The following KIAA1549L variants were observed in gnomAD, a reference collection of about 807,000 sequenced individuals.
KIAA1549L encodes the protein KIAA1549 like.
Under a neutral mutation model 160.7 loss-of-function variants are expected in KIAA1549L, and 88 were observed. The ratio of observed to expected loss-of-function variants is 0.55; its 90% CI spans 0.46 to 0.65. The LOEUF (loss-of-function observed/expected upper bound fraction) is 0.65. Ranked by LOEUF, KIAA1549L falls within the 30% of genes least tolerant of loss-of-function variation. KIAA1549L has a pLI of 0.00. For synonymous variants in KIAA1549L, 950 were observed against 976.7 expected (o/e 0.97, Z 0.51); for missense variants, 2,258 against 2,437.5 (o/e 0.93, Z 1.55).
intron 1 of KIAA1549L, among the ~76,000 whole-genome samples, chr11:33,505,441 T>C (rs1853059131): frequency 6.6e-6 from 1 of 152,218 alleles, no homozygotes; most frequent in Non-Finnish European, 1.5e-5. Flanking sequence ...AGACAACGTT[T>C]CTCTTCTATC....
intron 1 of KIAA1549L, among the ~76,000 whole-genome samples, chr11:33,503,183 A>G (rs998199618): frequency 6.6e-6 from 1 of 152,208 alleles, no homozygotes; most frequent in Non-Finnish European, 1.5e-5. Flanking sequence ...AAATGGAATT[A>G]TAGAGTATGT....
In KIAA1549L at chr11:33,658,767, G is replaced by A. The variant is rs564930218; in HGVS notation, c.5876G>A (p.Gly1959Asp). The A allele has an allele frequency of 3.2e-6, 5 of 1,573,314 alleles. No individual in the cohort carries two copies. The highest frequency in any genetic ancestry group is 1.2e-5 in the South Asian group (1 of 85,052). ...ASLRRSTSDI[G>D]SKTRMAESTG... ...CCATCTAGATCCACCTCAGACATCG[G>A]CAGCAAGACCAGAATGGCCGAGTCT... The change falls in exon 19 of 21, where the codon GGC (glycine) becomes GAC (aspartate). Residue 1959 changes from glycine to aspartate, a missense_variant. By Grantham distance (94) the Gly-to-Asp change is moderately conservative (BLOSUM62 -1). Coordinates refer to ENST00000658780, the MANE Select transcript of KIAA1549L (RefSeq NM_012194.3).
At chr11:33,504,103 A>G (rs1853020023) in intron 1 of KIAA1549L, among the ~76,000 whole-genome samples, 1 of 152,126 alleles carries the variant, frequency 6.6e-6, no homozygotes, top group African/African-American at 2.4e-5. Flanking sequence ...TCTACTAAAA[A>G]TACAAAAGTT....
In KIAA1549L at chr11:33,545,022, A is replaced by T. The variant is rs774355745; in HGVS notation, c.3029A>T (p.Tyr1010Phe). The T allele has an allele frequency of 6.2e-7, 1 of 1,613,982 alleles. No individual in the cohort carries two copies. Among genetic ancestry groups the T allele is most frequent in the Non-Finnish European group, 8.5e-7 (1 of 1,179,888 alleles). ...ACAGCCTTCCCATTCACACCAACCT[A>T]CATGTATGCAAGAACAGGACATACC... ...VHTAFPFTPT[Y>F]MYARTGHTTS... Residue 1010 changes from tyrosine (Y) to phenylalanine (F), a missense_variant, in exon 3 of 21, where the codon TAC (tyrosine) becomes TTC (phenylalanine). Coordinates refer to ENST00000658780, the MANE Select transcript of KIAA1549L (RefSeq NM_012194.3).
chr11:33,556,850 A>T (rs1854665328), intron 6 of KIAA1549L, among the ~76,000 whole-genome samples: 1 of 152,230 alleles, frequency 6.6e-6, no homozygotes, highest in Non-Finnish European at 1.5e-5. Context: ...CGATACACTT[A>T]AAATGGTTAA....
rs1372908388 is a variant in KIAA1549L, at chr11:33,474,134, A to T, written c.239-67668A>T. Reference sequence around the variant, plus strand: ...ATTCACTCATTACCATATGGAGGGCACCAAGCCATTCATGAGTGATCCTCT... The same window carrying T: ...ATTCACTCATTACCATATGGAGGGCTCCAAGCCATTCATGAGTGATCCTCT... On this transcript the variant is annotated intron_variant, in intron 1 of 20. Transcript: ENST00000658780. Among the ~76,000 whole-genome samples the T allele has an allele frequency of 9.9e-5, 15 of 152,208 alleles. 1 individual carries two copies. The highest frequency in any genetic ancestry group is 9.8e-4 in the Admixed American group (15 of 15,274).
chr11:33,441,994 C>T (rs925153858), intron 1 of KIAA1549L, among the ~76,000 whole-genome samples: 1 of 151,954 alleles, frequency 6.6e-6, no homozygotes, highest in African/African-American at 2.4e-5. Flanking sequence ...AAGTCCTTGC[C>T]CATGCCTATG....
In KIAA1549L at chr11:33,609,828, A is replaced by G. The variant is rs939946855; in HGVS notation, c.5141A>G (p.Tyr1714Cys). The change falls in exon 15 of 21, where the codon TAT becomes TGT. Residue 1714 changes from tyrosine to cysteine, a missense_variant. Tyr to Cys is a radical substitution (Grantham distance 194). This residue lies in a region of KIAA1549L where 1,359 missense variants were observed against 1,546.6 expected (regional missense o/e 0.88). Transcript: ENST00000658780. ...CGCCTCAAAGCCAAGAGGAAGGGAT[A>G]TTACGACTTCCCTGCAGTGGAGACG... is the stretch of plus-strand genomic sequence containing the variant. ...KLRLKAKRKG[Y>C]YDFPAVETSK... The G allele has an allele frequency of 3.7e-6, 6 of 1,613,968 alleles. No individual in the cohort carries two copies. Among genetic ancestry groups the G allele is most frequent in the Non-Finnish European group, 5.1e-6 (6 of 1,179,858 alleles).
intron 16 of KIAA1549L, among the ~76,000 whole-genome samples, chr11:33,640,821 A>G (rs1173931371): frequency 6.6e-6 from 1 of 152,224 alleles, no homozygotes; most frequent in African/African-American, 2.4e-5. Flanking sequence ...TTAATTTATA[A>G]AAACAGCTTT....
chr11:33,594,203 A>G (rs553846926), intron 12 of KIAA1549L, among the ~76,000 whole-genome samples: 5 of 152,342 alleles, frequency 3.3e-5, no homozygotes, highest in African/African-American at 1.2e-4. Context: ...GAAGAGGAAC[A>G]GAGGGTTGGA....
At chr11:33,438,037 G>T (rs1565136951) in intron 1 of KIAA1549L, among the ~76,000 whole-genome samples, 2 of 152,150 alleles carry the variant, frequency 1.3e-5, no homozygotes, top group Non-Finnish European at 2.9e-5. Flanking sequence ...TCACATCCCT[G>T]TTTTTCCCAA....
chr11:33,583,271 ATGTCTGGGT>A, intron 10 of KIAA1549L, 58 bp from the exon 11 acceptor site: 4 of 1,445,994 alleles, frequency 2.8e-6, no homozygotes, highest in South Asian at 2.6e-5. Flanking sequence ...GTGGGGGGTT[ATGTCTGGGT>A]TGCTTTCCTC....
intron 17 of KIAA1549L, among the ~76,000 whole-genome samples, chr11:33,651,847 C>A (rs1851898187): frequency 1.2e-5 from 1 of 81,906 alleles, no homozygotes; most frequent in African/African-American, 6.2e-5. Flanking sequence ...GTCCCCTCCC[C>A]CTCCCATTCC....
rs116686256 is a variant in KIAA1549L at position 33,513,492 on chromosome 11, C to T, written c.239-28310C>T. ...AACAACCATTCAGTCCAGGGTCAGC[C>T]ACCTCTGTTTCTTTTCTTTCTGTTT... On this transcript the variant is annotated intron_variant, in intron 1 of 20. Transcript: ENST00000658780. 8.2e-3 allele frequency among the ~76,000 whole-genome samples: 1,244 copies of T among 152,254 alleles called. 18 individuals are homozygous for T. The highest frequency in any genetic ancestry group is 0.029 in the African/African-American group (1,206 of 41,546).
chr11:33,541,427 G>A (rs7117353), intron 1 of KIAA1549L, among the ~76,000 whole-genome samples: 13,860 of 152,146 alleles, frequency 0.091, 873 homozygotes, highest in East Asian at 0.3. Flanking sequence ...CTTTAGTTTC[G>A]TGCATTTTGG....
Position 33,658,975 on chromosome 11 carries a change from A to G in KIAA1549L, c.6007+77A>G, listed in dbSNP as rs1384883504. ...GTCCTCCCTCAAATCCCCAGTTCCA[A>G]TCTCCTTTCTACCTACCACCCTCAG... On this transcript the variant is annotated intron_variant, in intron 19 of 20. Coordinates refer to ENST00000658780, the MANE Select transcript of KIAA1549L (RefSeq NM_012194.3). 3.5e-6 allele frequency: 5 copies of G among 1,411,964 alleles called. No individual in the cohort carries two copies. In the East Asian group the frequency reaches 1.3e-4, roughly 36 times the overall value. The allele number at this position is 1,411,964 out of a possible 1,614,324, so 87.5% of individuals were successfully genotyped here. A position where few individuals can be genotyped will look rare whatever the true frequency, so the allele number is the denominator to read the frequency against.
chr11:33,581,231 G>A (rs1174233642), intron 10 of KIAA1549L, among the ~76,000 whole-genome samples: 1 of 152,182 alleles, frequency 6.6e-6, no homozygotes, highest in African/African-American at 2.4e-5. Context: ...CCTGCATCCA[G>A]TCACCCCAGT....
chr11:33,601,589 GA>G (rs1403879015), intron 13 of KIAA1549L, among the ~76,000 whole-genome samples: 2 of 152,212 alleles, frequency 1.3e-5, no homozygotes, highest in African/African-American at 4.8e-5. Context: ...TGGCCTCTGA[GA>G]ATCCATTATT....
intron 15 of KIAA1549L, among the ~76,000 whole-genome samples, chr11:33,611,411 C>A (rs1850646227): frequency 6.6e-6 from 1 of 152,118 alleles, no homozygotes; most frequent in Non-Finnish European, 1.5e-5. Flanking sequence ...GGAGGTGGGG[C>A]TGAATTTTAT....
Sources: gnomAD v4.1 joint callset for allele counts (sites outside exome capture counted in the v4.1 genomes callset) on GRCh38, gnomAD v4.1.1 for gene constraint, gnomAD v4.1.1 regional missense constraint, MANE v1.5 for transcripts, NCBI Gene and HGNC (gene_info 2026-07-23, HGNC 2026-07-21) for gene names.